The following SVIL variants were observed in gnomAD, a reference collection of about 807,000 sequenced individuals.
SVIL encodes the protein archvillin.
A neutral mutation model predicts 240.4 loss-of-function variants in SVIL; 101 were observed. The ratio of observed to expected loss-of-function variants is 0.42; its 90% CI spans 0.36 to 0.50. SVIL has a LOEUF of 0.50. Among genes scored for constraint, SVIL ranks in the 20% least tolerant of loss-of-function variants. The pLI, the probability that SVIL is intolerant of heterozygous loss-of-function variation, is 0.01. For synonymous variants in SVIL, 999 were observed against 1,100.0 expected, an observed-to-expected ratio of 0.91 and a Z score of 1.82; for missense variants, 2,512 against 2,818.7, an observed-to-expected ratio of 0.89 and a Z score of 2.46.
chr10:29,594,630 C>T (rs1176973095), intron 1 of SVIL, among the ~76,000 whole-genome samples: 1 of 151,044 alleles, frequency 6.6e-6, no homozygotes, highest in African/African-American at 2.4e-5. Flanking sequence ...AGTCTGGGCT[C>T]ATCGCAATCT....
In SVIL at chr10:29,463,531, G is replaced by T. The variant is rs766960300; in HGVS notation, c.6238C>A (p.Arg2080=). The T allele has an allele frequency of 1.5e-5, 25 of 1,613,954 alleles. No homozygotes were observed. Among genetic ancestry groups the T allele is most frequent in the African/African-American group, 4.0e-5 (3 of 74,902 alleles). ...GSARIRWASD[R]KSAMETVLQY... ...AGCACAGTCTCCATCGCACTCTTCC[G>T]GTCGGAGGCCCAGCGGATGCGGGCG... is the stretch of plus-strand genomic sequence containing the variant. Residue 2080 remains arginine, a synonymous_variant, in exon 35 of 38, where the codon CGG becomes AGG. Transcript: ENST00000355867.
intron 2 of SVIL, among the ~76,000 whole-genome samples, chr10:29,661,059 C>T (rs532518510): frequency 3.3e-5 from 5 of 151,614 alleles, no homozygotes; most frequent in African/African-American, 4.8e-5. Flanking sequence ...CCCAGCTATT[C>T]GGAAGGCTGA....
At chr10:29,469,081 C>G (rs899061528) in intron 32 of SVIL, 1 of 152,126 alleles carries the variant, frequency 6.6e-6, no homozygotes. Context: ...TTCCAGATTG[C>G]TTGGCGCCAA....
At chr10:29,609,646 C>T (rs1957163548) in intron 1 of SVIL, among the ~76,000 whole-genome samples, 1 of 152,218 alleles carries the variant, frequency 6.6e-6, no homozygotes, top group Non-Finnish European at 1.5e-5. Context: ...TCGGGCACCA[C>T]CACATTCCCC....
chr10:29,511,282 G>T (rs569211907), intron 17 of SVIL, among the ~76,000 whole-genome samples: 2 of 141,492 alleles, frequency 1.4e-5, no homozygotes, highest in Middle Eastern at 3.5e-3. Flanking sequence ...TCTTCTAAGG[G>T]GGCAGTGCAC....
At chr10:29,663,489 T>C (rs1426801931) in intron 2 of SVIL, among the ~76,000 whole-genome samples, 1 of 152,100 alleles carries the variant, frequency 6.6e-6, no homozygotes, top group Non-Finnish European at 1.5e-5. Context: ...CCCAGGTCCA[T>C]GGAATTACAG....
At chr10:29,504,335 C>A (rs1337084895) in intron 17 of SVIL, among the ~76,000 whole-genome samples, 1 of 152,090 alleles carries the variant, frequency 6.6e-6, no homozygotes, top group Non-Finnish European at 1.5e-5. Flanking sequence ...GAAGAAATAA[C>A]TGATAAGCTG....
At chr10:29,474,197 A>G (rs1945911504) in intron 29 of SVIL, among the ~76,000 whole-genome samples, 1 of 152,190 alleles carries the variant, frequency 6.6e-6, no homozygotes, top group East Asian at 1.9e-4. Flanking sequence ...CCTGACCCAG[A>G]ACTTCCCACA....
At chr10:29,604,095 T>A (rs1956917992) in intron 1 of SVIL, among the ~76,000 whole-genome samples, 1 of 152,174 alleles carries the variant, frequency 6.6e-6, no homozygotes, top group African/African-American at 2.4e-5. Context: ...CAGTTATCCA[T>A]GGTGCAGTAC....
At chr10:29,641,799 A>G (rs1958494203) in intron 3 of SVIL, among the ~76,000 whole-genome samples, 3 of 152,200 alleles carry the variant, frequency 2.0e-5, no homozygotes, top group Admixed American at 2.0e-4. Context: ...ACAAGCTGTG[A>G]GGCTTACAAG....
chr10:29,537,266 T>C (rs935802613), intron 6 of SVIL, among the ~76,000 whole-genome samples: 1 of 152,198 alleles, frequency 6.6e-6, no homozygotes, highest in African/African-American at 2.4e-5. Context: ...ATTGAGCTCC[T>C]AGTAAGTGCA....
intron 7 of SVIL, among the ~76,000 whole-genome samples, chr10:29,535,337 T>C (rs1443599600): frequency 6.6e-6 from 1 of 152,202 alleles, no homozygotes; most frequent in Non-Finnish European, 1.5e-5. Context: ...TCCTGTGGAA[T>C]GCGTGCTCCT....
At chr10:29,568,286 A>T (rs76924540) in intron 2 of SVIL, among the ~76,000 whole-genome samples, 12,620 of 151,710 alleles carry the variant, frequency 0.083, 600 homozygotes, top group Admixed American at 0.13. Context: ...TGTCCCATCC[A>T]GGGTGTTTAC....
chr10:29,490,949 G>T lies in SVIL; in HGVS notation c.4090C>A (p.Pro1364Thr). The T allele has an allele frequency of 1.9e-6, 3 of 1,614,002 alleles. No homozygotes were observed. The highest frequency in any genetic ancestry group is 2.5e-6 in the Non-Finnish European group (3 of 1,179,874). The part of the protein sequence containing the change: ...PKRRVQASKN[P>T]LKMLAAREDL... ...TCTCTTGCCGCCAGCATTTTCAGGG[G>T]GTTTTTGGAGGCCTGAACCCGGCGC... The change falls in exon 22 of 38, where the codon CCC (proline) becomes ACC (threonine). Residue 1364 changes from proline to threonine, a missense_variant. Transcript: ENST00000355867.
chr10:29,709,746 G>A (rs1052988126), intron 1 of SVIL, among the ~76,000 whole-genome samples: 1 of 152,194 alleles, frequency 6.6e-6, no homozygotes, highest in African/African-American at 2.4e-5. Context: ...ATCCTCACAA[G>A]GTTCAGTAGA....
At chr10:29,528,279 C>T (rs1043821367) in intron 12 of SVIL, among the ~76,000 whole-genome samples, 2 of 152,064 alleles carry the variant, frequency 1.3e-5, no homozygotes, top group South Asian at 2.1e-4. Flanking sequence ...AGGAACAACT[C>T]GGGGAGGAAC....
intron 2 of SVIL, among the ~76,000 whole-genome samples, chr10:29,675,911 T>C (rs1960168200): frequency 6.6e-6 from 1 of 152,170 alleles, no homozygotes; most frequent in Non-Finnish European, 1.5e-5. Flanking sequence ...AAAGTTACAT[T>C]TGTCTTATCT....
At chr10:29,544,242 AC>A (rs1467212235) in intron 6 of SVIL, among the ~76,000 whole-genome samples, 2 of 152,232 alleles carry the variant, frequency 1.3e-5, no homozygotes, top group African/African-American at 4.8e-5. Context: ...ATGGCTATTA[AC>A]TTTTGAATCT....
intron 7 of SVIL, among the ~76,000 whole-genome samples, chr10:29,535,316 G>A (rs577501826): frequency 1.3e-5 from 2 of 152,250 alleles, no homozygotes; most frequent in South Asian, 2.1e-4. Flanking sequence ...ACTGAAGCGC[G>A]GTTCCAGTTC....
Sources: gnomAD v4.1 joint callset for allele counts (sites outside exome capture counted in the v4.1 genomes callset) on GRCh38, gnomAD v4.1.1 for gene constraint, MANE v1.5 for transcripts, NCBI Gene and HGNC (gene_info 2026-07-23, HGNC 2026-07-21) for gene names.